The following TMEM217 variants were observed in gnomAD, a reference collection of about 807,000 sequenced individuals.
TMEM217 encodes chromosome 6 open reading frame 128.
For missense variants in TMEM217, 204 were observed against 248.8 expected (o/e 0.82, Z 1.21); for synonymous variants, 76 against 88.3 (o/e 0.86, Z 0.78).
At chr6:37,221,887 G>A (rs1456801496) in intron 1 of TMEM217, among the ~76,000 whole-genome samples, 2 of 152,224 alleles carry the variant, frequency 1.3e-5, no homozygotes, top group African/African-American at 4.8e-5. Context: ...TTCTCAGCAG[G>A]GAGAAGGCCC....
rs749202157 is a variant in TMEM217 at position 37,248,951 on chromosome 6, T to G, written c.-12+8617A>C. On this transcript the variant is annotated intron_variant, in intron 1 of 1. Coordinates refer to ENST00000357219, the Ensembl canonical transcript of TMEM217. Reference sequence around the variant, plus strand: ...GCAGAGAATCCTTTCCTGACCCTTCTGGGTTCTGGTGGCTCCAGGTATTCC... The same window carrying G: ...GCAGAGAATCCTTTCCTGACCCTTCGGGGTTCTGGTGGCTCCAGGTATTCC... Among the ~76,000 whole-genome samples the G allele has an allele frequency of 4.9e-4, 75 of 152,336 alleles. 1 individual carries two copies. Among genetic ancestry groups the G allele is most frequent in the Admixed American group, 3.1e-3 (47 of 15,306 alleles).
rs1554170950 is a variant in TMEM217, at chr6:37,229,340, T to TTTTG, written c.-11-10300_-11-10299insCAAA. Among the ~76,000 whole-genome samples the TTTTG allele has an allele frequency of 8.1e-5, 10 of 123,060 alleles. 1 individual carries two copies. Among genetic ancestry groups the TTTTG allele is most frequent in the Non-Finnish European group, 1.5e-4 (9 of 58,768 alleles). 80.7% of individuals were successfully genotyped at this position (123,060 alleles called of 152,430 possible). A position where few individuals can be genotyped will look rare whatever the true frequency, so the allele number is the denominator to read the frequency against. ...CGTCTCCCTAGCAACTTTCAGTTTT[T>TTTTG]TTTTTTTTTTTTTTTTTTTTGAGAC... On this transcript the variant is annotated intron_variant, in intron 1 of 1. Coordinates refer to ENST00000357219, the Ensembl canonical transcript of TMEM217.
exon 2 of TMEM217, chr6:37,218,168 A>AT: frequency 1.8e-6 from 2 of 1,127,432 alleles, no homozygotes; most frequent in South Asian, 5.7e-5. Flanking sequence ...AAAGCTGCTA[A>AT]CTTTTTTTTT....
chr6:37,221,616 A>G (rs1168620136), intron 1 of TMEM217, among the ~76,000 whole-genome samples: 3 of 152,204 alleles, frequency 2.0e-5, no homozygotes, highest in African/African-American at 7.2e-5. Flanking sequence ...TAAAAGATAA[A>G]CTGAAAATAT....
intron 1 of TMEM217, among the ~76,000 whole-genome samples, chr6:37,240,770 AAAAAC>A (rs965519688): frequency 3.4e-4 from 52 of 152,368 alleles, no homozygotes; most frequent in African/African-American, 1.2e-3. Flanking sequence ...AAAAAGACAT[AAAAAC>A]AAAACATCAA....
exon 2 of TMEM217, chr6:37,218,768 G>A: frequency 1.2e-6 from 2 of 1,614,174 alleles, no homozygotes; most frequent in South Asian, 1.1e-5. Flanking sequence ...GAAGATCTGG[G>A]CATACACTGA....
intron 1 of TMEM217, among the ~76,000 whole-genome samples, chr6:37,221,715 G>A (rs1364425273): frequency 6.6e-6 from 1 of 152,162 alleles, no homozygotes; most frequent in Non-Finnish European, 1.5e-5. Flanking sequence ...TGTGGCCAGC[G>A]GCACCTTTGC....
At chr6:37,218,384 C>T (rs1763335498) in exon 2 of TMEM217, 1 of 1,461,970 alleles carries the variant, frequency 6.8e-7, no homozygotes, top group South Asian at 1.3e-5. Context: ...GCTGCCAAGG[C>T]CAGGCTGGTC....
rs190107998 is a variant in TMEM217 at position 37,249,610 on chromosome 6, C to T, written c.-12+7958G>A. ...TGTTGGGATTACAGGTGTAAGCCAC[C>T]GCACCCAGTGGAAGGAAGATTTCTA... On this transcript the variant is annotated intron_variant, in intron 1 of 1. Transcript: ENST00000357219. Among the ~76,000 whole-genome samples the T allele has an allele frequency of 1.4e-3, 213 of 152,216 alleles. 1 individual carries two copies. The highest frequency in any genetic ancestry group is 4.9e-3 in the African/African-American group (202 of 41,548).
intron 1 of TMEM217, among the ~76,000 whole-genome samples, chr6:37,254,014 A>C (rs1765588108): frequency 6.6e-6 from 1 of 152,180 alleles, no homozygotes; most frequent in Admixed American, 6.5e-5. Flanking sequence ...GAAAGTAAAA[A>C]CTTGCAGAAG....
chr6:37,223,421 A>G lies in TMEM217; in HGVS notation c.-11-4380T>C, dbSNP rs142027263. Among the ~76,000 whole-genome samples the G allele has an allele frequency of 3.1e-3, 469 of 152,368 alleles. 4 individuals are homozygous for G. Among genetic ancestry groups the G allele is most frequent in the African/African-American group, 0.011 (450 of 41,594 alleles). ...TTATAGACTTCTATAGGAAACAAAAATCCCATGGAATAATATTTTAATTGT... is the reference window on the plus strand; with the variant it reads ...TTATAGACTTCTATAGGAAACAAAAGTCCCATGGAATAATATTTTAATTGT... On this transcript the variant is annotated intron_variant, in intron 1 of 1. Coordinates refer to ENST00000357219, the Ensembl canonical transcript of TMEM217.
chr6:37,242,891 G>A (rs1049754620), intron 1 of TMEM217, among the ~76,000 whole-genome samples: 2 of 152,076 alleles, frequency 1.3e-5, no homozygotes, highest in African/African-American at 4.8e-5. Flanking sequence ...TCTCTTCCAT[G>A]TTTGTCTCTT....
chr6:37,225,399 G>A (rs941953525), intron 1 of TMEM217, among the ~76,000 whole-genome samples: 1 of 151,936 alleles, frequency 6.6e-6, no homozygotes, highest in Non-Finnish European at 1.5e-5. Flanking sequence ...GTAAATAAAA[G>A]AACAAAAGTG....
At chr6:37,231,610 T>C (rs1371847089) in intron 1 of TMEM217, among the ~76,000 whole-genome samples, 2 of 144,802 alleles carry the variant, frequency 1.4e-5, no homozygotes, top group African/African-American at 5.1e-5. Context: ...GAGGTGGGGT[T>C]GCGGTGAGCC....
chr6:37,221,568 T>G (rs1763525782), intron 1 of TMEM217, among the ~76,000 whole-genome samples: 1 of 152,198 alleles, frequency 6.6e-6, no homozygotes, highest in African/African-American at 2.4e-5. Flanking sequence ...TGTTATAGAA[T>G]GTGTCAGAAT....
chr6:37,247,860 C>T (rs374959941), intron 1 of TMEM217, among the ~76,000 whole-genome samples: 1 of 152,296 alleles, frequency 6.6e-6, no homozygotes, highest in African/African-American at 2.4e-5. Flanking sequence ...AACTCTTAGA[C>T]ATTTCCAATA....
intron 1 of TMEM217, among the ~76,000 whole-genome samples, chr6:37,232,390 GTTTTC>G (rs1339931717): frequency 2.6e-5 from 4 of 151,956 alleles, no homozygotes; most frequent in Admixed American, 6.5e-5. Context: ...GTTTTGTTTT[GTTTTC>G]TTTTTTTTGA....
chr6:37,232,613 C>G (rs1205661147), intron 1 of TMEM217, among the ~76,000 whole-genome samples: 2 of 152,204 alleles, frequency 1.3e-5, no homozygotes, highest in Admixed American at 6.5e-5. Flanking sequence ...CTCCCGTTCT[C>G]TGCAACAGCT....
intron 1 of TMEM217, among the ~76,000 whole-genome samples, chr6:37,256,389 C>T (rs545845340): frequency 1.3e-5 from 2 of 152,316 alleles, no homozygotes; most frequent in South Asian, 4.1e-4. Context: ...CAGTACATCC[C>T]TCTTTGGGCT....
Sources: allele counts gnomAD v4.1 joint callset (sites outside exome capture counted in the v4.1 genomes callset), GRCh38; gene constraint gnomAD v4.1.1; transcripts MANE v1.5; gene names NCBI Gene and HGNC (gene_info 2026-07-23, HGNC 2026-07-21).